CLUH: variants seen among roughly 807,000 people sequenced by gnomAD.
The protein encoded by CLUH is clustered mitochondria protein homolog.
CLUH carries 77 observed loss-of-function variants against 139.3 expected under a neutral mutation model. The observed-to-expected ratio is 0.55, with a 90% CI of 0.46 to 0.67. The LOEUF (loss-of-function observed/expected upper bound fraction) is 0.67, where lower values mean the gene tolerates loss of function less well. Among genes scored for constraint, CLUH ranks in the 30% least tolerant of loss-of-function variants. The pLI is 0.00. For missense variants in CLUH, 1,876 were observed against 1,875.8 expected, an observed-to-expected ratio of 1.00 and a Z score of 0.00; for synonymous variants, 999 against 801.6, an observed-to-expected ratio of 1.25 and a Z score of -4.16.
rs764442880 is a variant in CLUH, at chr17:2,711,747, G to C, written c.-86C>G. ...GTGCCCTGCGCGCCGCGGCTGCTGA[G>C]GGAAGGACGGAGTCACCGGCCCACG... On this transcript the variant is annotated 5_prime_UTR_variant, in exon 1 of 26. Coordinates refer to ENST00000651024, the MANE Select transcript of CLUH (RefSeq NM_001366661.1). 1.3e-5 allele frequency: 7 copies of C among 523,288 alleles called. No individual in the cohort carries two copies. Among genetic ancestry groups the C allele is most frequent in the African/African-American group, 4.1e-5 (2 of 48,246 alleles). 32.4% of individuals were successfully genotyped at this position (523,288 alleles called of 1,614,324 possible).
chr17:2,691,927 C>T (rs1253953977), intron 23 of CLUH, 32 bp from the exon 24 acceptor site: 1 of 1,156,304 alleles, frequency 8.6e-7, no homozygotes, highest in South Asian at 2.4e-5. Context: ...TCAGGCCCCC[C>T]CGTGCCCCCG....
chr17:2,694,722 G>C, intron 16 of CLUH, 135 bp downstream of exon 16: 1 of 1,367,964 alleles, frequency 7.3e-7, no homozygotes, highest in East Asian at 2.5e-5. Context: ...AGCACCCAGT[G>C]ATCTCCACAG....
At chr17:2,696,599 G>A (rs547117663) in intron 11 of CLUH, 61 bp from the exon 12 acceptor site, 265 of 1,525,578 alleles carry the variant, frequency 1.7e-4, no homozygotes, top group Non-Finnish European at 2.3e-4. Context: ...GCTGGGCTGC[G>A]CCAAGCCTCG....
chr17:2,700,898 A>G (rs2070153740), intron 7 of CLUH, 73 bp from the exon 8 acceptor site: 1 of 1,483,826 alleles, frequency 6.7e-7, no homozygotes, highest in Admixed American at 2.4e-5. Context: ...CCCTTTTCTG[A>G]GGCCCCCGCC....
chr17:2,694,656 G>T lies in CLUH; in HGVS notation c.2853-92C>A, dbSNP rs542060526. The T allele has an allele frequency of 5.1e-6, 7 of 1,383,188 alleles. No homozygotes were observed. The East Asian group carries it at 1.0e-4, about 20-fold the overall frequency. The allele number at this position is 1,383,188 out of a possible 1,614,324, so 85.7% of individuals were successfully genotyped here. ...AGCTCCCCAACGCTGTCCAGCCCGG[G>T]CCCCCAACACTGCCCCACCCGGCCC... On this transcript the variant is annotated intron_variant, in intron 16 of 25. Coordinates refer to ENST00000651024, the MANE Select transcript of CLUH (RefSeq NM_001366661.1).
chr17:2,700,532 C>G (rs1282239683), intron 8 of CLUH, 58 bp from the exon 9 acceptor site: 2 of 1,568,182 alleles, frequency 1.3e-6, no homozygotes, highest in Non-Finnish European at 8.6e-7. Context: ...GACCTGCTCC[C>G]GGAAGTCGCT....
chr17:2,696,902 G>A lies in CLUH; in HGVS notation c.2002C>T (p.Gln668Ter). The A allele has an allele frequency of 1.2e-6, 2 of 1,608,856 alleles. No individual in the cohort carries two copies. The highest frequency in any genetic ancestry group is 1.7e-6 in the Non-Finnish European group (2 of 1,177,852). ...GTCTCCAGCTGGCTGGCGTTCTGCT[G>A]CATCAGCTGCAAGGCGGCCAGCTTC... is the stretch of plus-strand genomic sequence containing the variant. ...FMKLAALQLMQQNASQLETPS... is the reference protein window; with the variant it reads ...FMKLAALQLM Residue 668 changes from glutamine (Q) to a stop codon, truncating the protein, a stop_gained, in exon 11 of 26, where the codon CAG (glutamine) becomes TAG (stop). Coordinates refer to ENST00000651024, the MANE Select transcript of CLUH (RefSeq NM_001366661.1). LOFTEE classifies it high-confidence loss of function.
At position 2,690,788 on chromosome 17, in the gene CLUH, G is replaced by C; in HGVS notation, c.3864-11C>G. The C allele has an allele frequency of 2.0e-6, 3 of 1,481,466 alleles. No individual in the cohort carries two copies. In the South Asian group the frequency reaches 4.2e-5, roughly 21 times the overall value. 91.8% of individuals were successfully genotyped at this position (1,481,466 alleles called of 1,614,324 possible). On this transcript the variant is annotated splice_polypyrimidine_tract_variant and intron_variant, in intron 25 of 25. Coordinates refer to ENST00000651024, the MANE Select transcript of CLUH (RefSeq NM_001366661.1). ...TCCAGGTCTTTTTGGCTGAGGATAA[G>C]GGTGGGGATGGAGGTGGCTCTCAGA... is the stretch of plus-strand genomic sequence containing the variant.
chr17:2,696,341 T>TG (rs2069941927), intron 12 of CLUH, 82 bp from the exon 13 acceptor site: 2 of 1,505,974 alleles, frequency 1.3e-6, no homozygotes, highest in African/African-American at 2.8e-5. Context: ...AGCGCTCAGA[T>TG]GGGGGACAAA....
chr17:2,704,770 A>T lies in CLUH; in HGVS notation c.101-206T>A, dbSNP rs2070301874. On this transcript the variant is annotated intron_variant, in intron 1 of 25. Coordinates refer to ENST00000651024, the MANE Select transcript of CLUH (RefSeq NM_001366661.1). This position sits in a 1 kb window ranked among gnomAD's most constrained non-coding sequence, Gnocchi z 5.7. Reference sequence around the variant, plus strand: ...CCTCCCAGCCACTGTTCCCTGGCCCACTGTGGTATGGCTTGCACCTGAACC... The same window carrying T: ...CCTCCCAGCCACTGTTCCCTGGCCCTCTGTGGTATGGCTTGCACCTGAACC... Among the ~76,000 whole-genome samples the T allele has an allele frequency of 6.6e-6, 1 of 151,754 alleles. No homozygotes were observed. Among genetic ancestry groups the T allele is most frequent in the Non-Finnish European group, 1.5e-5 (1 of 67,934 alleles).
In CLUH at chr17:2,703,904, G is replaced by A. The variant is rs1032633064; in HGVS notation, c.304-415C>T. Among the ~76,000 whole-genome samples the A allele has an allele frequency of 2.0e-5, 3 of 152,176 alleles. No individual in the cohort carries two copies. The highest frequency in any genetic ancestry group is 2.9e-5 in the Non-Finnish European group (2 of 68,036). On this transcript the variant is annotated intron_variant, in intron 2 of 25. Transcript: ENST00000651024. This position sits in a 1 kb window ranked among gnomAD's most constrained non-coding sequence, Gnocchi z 4.2. ...GGGGTGCTCTGGGGCCCAAGCCTGC[G>A]GGTGCCGAGACATACGACGACCCTG...
At position 2,700,357 on chromosome 17, in the gene CLUH, G is replaced by T. The variant is rs767830533; in HGVS notation, c.1266+25C>A. On this transcript the variant is annotated intron_variant, in intron 9 of 25. Transcript: ENST00000651024. The stretch of plus-strand genomic sequence containing the variant: ...GCAGGTGGACAGCGGGCCTCAGACT[G>T]CCGGTCAGCAGAGGCTGCAGGCACC... 9 of 1,599,700 alleles carry T rather than the reference G, an allele frequency of 5.6e-6. No homozygotes were observed. The South Asian group carries it at 9.0e-5, about 16-fold the overall frequency.
chr17:2,691,961 GCCCCC>G lies in CLUH; in HGVS notation c.3654+38_3654+42del, dbSNP rs1567575831. ...CGCGGCCCCGCCCCCGCCCCGCCAC[GCCCCC>G]GCCCCGCCCCCGCCCCCGCCACGCC... is the stretch of plus-strand genomic sequence containing the variant. On this transcript the variant is annotated intron_variant, in intron 23 of 25. Transcript: ENST00000651024. 6.3e-5 allele frequency: 41 copies of G among 652,688 alleles called. 1 individual carries two copies. Among genetic ancestry groups the G allele is most frequent in the African/African-American group, 5.6e-4 (14 of 24,804 alleles). 40.4% of individuals were successfully genotyped at this position (652,688 alleles called of 1,614,324 possible).
At position 2,694,158 on chromosome 17, in the gene CLUH, T is replaced by C. The variant is rs770995955; in HGVS notation, c.3056A>G (p.His1019Arg). ...HVNPKASDAFHFFQSGQAKVQ... is the reference protein window; with the variant it reads ...HVNPKASDAFRFFQSGQAKVQ... ...TTTGGCCTGCCCGCTCTGGAAGAAATGGAAGGCATCCGAGGCCTTGGGGTT... is the reference window on the plus strand; with the variant it reads ...TTTGGCCTGCCCGCTCTGGAAGAAACGGAAGGCATCCGAGGCCTTGGGGTT... Residue 1019 changes from histidine to arginine, a missense_variant, in exon 18 of 26, where the codon CAT (histidine) becomes CGT (arginine). This residue lies in a region of CLUH where 1,454 missense variants were observed against 1,384.4 expected (regional missense o/e 1.05). Transcript: ENST00000651024. 8 of 1,613,462 alleles carry C rather than the reference T, an allele frequency of 5.0e-6. No homozygotes were observed. The highest frequency in any genetic ancestry group is 6.8e-6 in the Non-Finnish European group (8 of 1,179,696).
intron 9 of CLUH, among the ~76,000 whole-genome samples, chr17:2,700,119 C>A (rs2070119748): frequency 6.6e-6 from 1 of 152,256 alleles, no homozygotes; most frequent in Non-Finnish European, 1.5e-5. Flanking sequence ...AGCTGCACGG[C>A]CCTGGACACT....
chr17:2,711,178 C>G (rs1279384385), intron 1 of CLUH: 1 of 152,264 alleles, frequency 6.6e-6, no homozygotes, highest in Non-Finnish European at 1.5e-5. Context: ...GGGGCTGTCC[C>G]GCAAACGTCG....
intron 22 of CLUH, 118 bp downstream of exon 22, chr17:2,692,243 A>G: frequency 7.0e-7 from 1 of 1,419,560 alleles, no homozygotes; most frequent in Non-Finnish European, 9.4e-7. Context: ...GAAGAGGGGG[A>G]GGTCGAGAGA....
chr17:2,705,422 C>A (rs543036998), intron 1 of CLUH, among the ~76,000 whole-genome samples: 2 of 152,244 alleles, frequency 1.3e-5, no homozygotes, highest in South Asian at 2.1e-4. Flanking sequence ...CAGCTCCTGC[C>A]TGCTCCCTGC....
At chr17:2,691,455 G>C in intron 25 of CLUH, 154 bp downstream of exon 25, 1 of 725,036 alleles carries the variant, frequency 1.4e-6, no homozygotes, top group Non-Finnish European at 2.4e-6. Flanking sequence ...CCAGCTACTG[G>C]GGAGGCTGAG....
Sources: gnomAD v4.1 joint callset for allele counts (sites outside exome capture counted in the v4.1 genomes callset) on GRCh38, gnomAD v4.1.1 for gene constraint, gnomAD v4.1.1 regional missense constraint, Gnocchi (gnomAD v3.1) non-coding constraint, MANE v1.5 for transcripts, NCBI Gene and HGNC (gene_info 2026-07-23, HGNC 2026-07-21) for gene names.